STAB2: variants seen among roughly 807,000 people sequenced by gnomAD.
The protein encoded by STAB2 is stabilin 2, also known as stabilin-2.
In STAB2, 288 loss-of-function variants were observed where a neutral mutation model predicts 338.1. The observed-to-expected ratio is 0.85, with a 90% confidence interval of 0.77 to 0.94. The LOEUF (loss-of-function observed/expected upper bound fraction) is 0.94, where lower values mean the gene tolerates loss of function less well. Ranked by LOEUF, STAB2 falls within the 40% of genes least tolerant of loss-of-function variation. STAB2 has a pLI of 0.00. For missense variants in STAB2, 3,141 were observed against 3,210.1 expected (o/e 0.98, Z 0.52); for synonymous variants, 1,202 against 1,193.3 (o/e 1.01, Z -0.15).
intron 4 of STAB2, among the ~76,000 whole-genome samples, chr12:103,621,586 T>A (rs1214137567): frequency 6.6e-6 from 1 of 151,908 alleles, no homozygotes; most frequent in East Asian, 1.9e-4. Context: ...ACAAAAATTA[T>A]CCGGGTGTGG....
intron 9 of STAB2, among the ~76,000 whole-genome samples, chr12:103,648,459 T>C (rs1873491786): frequency 6.6e-6 from 1 of 152,288 alleles, no homozygotes; most frequent in East Asian, 1.9e-4. Context: ...TGAGAAATAC[T>C]GAGACAAAGA....
chr12:103,652,211 A>C (rs1203293921), intron 11 of STAB2, among the ~76,000 whole-genome samples: 1 of 152,294 alleles, frequency 6.6e-6, no homozygotes, highest in Admixed American at 6.5e-5. Flanking sequence ...CATGTTCAAG[A>C]TAGATTCCTT....
chr12:103,649,354 GC>G (rs1217849692), intron 10 of STAB2, among the ~76,000 whole-genome samples: 1 of 152,096 alleles, frequency 6.6e-6, no homozygotes, highest in Admixed American at 6.6e-5. Context: ...TTCACCTCCA[GC>G]CCCCCAGGCA....
At chr12:103,627,707 T>G (rs1271569530) in intron 5 of STAB2, among the ~76,000 whole-genome samples, 3 of 152,228 alleles carry the variant, frequency 2.0e-5, no homozygotes, top group African/African-American at 7.2e-5. Flanking sequence ...GAGAGGCTCA[T>G]GCCAGGGCCA....
intron 3 of STAB2, among the ~76,000 whole-genome samples, chr12:103,597,419 G>A (rs1193801240): frequency 6.6e-6 from 1 of 152,030 alleles, no homozygotes; most frequent in Non-Finnish European, 1.5e-5. Context: ...TAACACTTCT[G>A]GGTTATTTCA....
At chr12:103,671,897 A>G (rs977183268) in intron 22 of STAB2, among the ~76,000 whole-genome samples, 50 of 152,318 alleles carry the variant, frequency 3.3e-4, no homozygotes, top group African/African-American at 1.2e-3. Flanking sequence ...TTTTTGACAT[A>G]TATTTCTAAG....
At chr12:103,669,764 T>C in intron 21 of STAB2, 137 bp downstream of exon 21, 1 of 706,890 alleles carries the variant, frequency 1.4e-6, no homozygotes, top group Non-Finnish European at 2.4e-6. Context: ...GAACAGCAGG[T>C]GTCTGCAGTA....
Position 103,607,764 on chromosome 12 carries a change from ATT to A in STAB2, c.332-12701_332-12700del, listed in dbSNP as rs553637969. Among the ~76,000 whole-genome samples, 191 of 152,078 alleles carry A rather than the reference ATT, an allele frequency of 1.3e-3. 2 individuals carry two copies. Among genetic ancestry groups the A allele is most frequent in the African/African-American group, 4.5e-3 (187 of 41,490 alleles). ...GTATTCCATGGTATATATGTGCCACATTTTCTTAATCCAGTCTATCATTGATG... is the reference window on the plus strand; with the variant it reads ...GTATTCCATGGTATATATGTGCCACATTCTTAATCCAGTCTATCATTGATG... On this transcript the variant is annotated intron_variant, in intron 3 of 68. Coordinates refer to ENST00000388887, the MANE Select transcript of STAB2 (RefSeq NM_017564.10).
At chr12:103,648,542 T>C (rs1316096643) in intron 9 of STAB2, 148 bp from the exon 10 acceptor site, 1 of 957,290 alleles carries the variant, frequency 1.0e-6, no homozygotes, top group African/African-American at 1.7e-5. Context: ...AGCTACTAGA[T>C]GTCAGATACC....
chr12:103,643,967 C>G (rs1402331972), intron 9 of STAB2, among the ~76,000 whole-genome samples: 4 of 82,216 alleles, frequency 4.9e-5, no homozygotes, highest in Admixed American at 1.1e-4. Context: ...GGCGCCTCTG[C>G]CTGGCCGCCC....
chr12:103,669,391 A>C, intron 20 of STAB2, 150 bp from the exon 21 acceptor site: 1 of 657,376 alleles, frequency 1.5e-6, no homozygotes, highest in Non-Finnish European at 2.7e-6. Context: ...ACTGAGCACT[A>C]GCCATGCCAT....
intron 30 of STAB2, among the ~76,000 whole-genome samples, chr12:103,692,473 AC>A (rs2138915418): frequency 6.6e-6 from 1 of 152,292 alleles, no homozygotes; most frequent in Non-Finnish European, 1.5e-5. Flanking sequence ...CTCGAACAGC[AC>A]TTTTGTCAAT....
intron 15 of STAB2, 62 bp from the exon 16 acceptor site, chr12:103,660,269 C>A: frequency 6.6e-7 from 1 of 1,522,334 alleles, no homozygotes; most frequent in South Asian, 1.1e-5. Flanking sequence ...GAAGAGGATT[C>A]CACAAGAGTG....
chr12:103,710,614 T>A (rs1320748786), intron 39 of STAB2, among the ~76,000 whole-genome samples: 4 of 152,178 alleles, frequency 2.6e-5, no homozygotes, highest in South Asian at 4.1e-4. Context: ...ACATAAAACA[T>A]GATTGAAATG....
At chr12:103,587,962 C>T (rs1336234524) in intron 1 of STAB2, among the ~76,000 whole-genome samples, 1 of 152,186 alleles carries the variant, frequency 6.6e-6, no homozygotes, top group East Asian at 1.9e-4. Flanking sequence ...CTAAGGAACA[C>T]AAGTATCAGA....
intron 21 of STAB2, 147 bp from the exon 22 acceptor site, chr12:103,670,549 A>G (rs1313082224): frequency 3.1e-5 from 20 of 655,194 alleles, no homozygotes; most frequent in South Asian, 1.5e-4. Context: ...AGCCTCCCTG[A>G]TATCACATGA....
intron 6 of STAB2, among the ~76,000 whole-genome samples, chr12:103,636,213 A>C (rs1957545272): frequency 4.1e-5 from 4 of 96,968 alleles, no homozygotes; most frequent in Non-Finnish European, 4.2e-5. Flanking sequence ...CCACCCCACA[A>C]CAGTCCCCGG....
intron 38 of STAB2, among the ~76,000 whole-genome samples, chr12:103,707,281 C>T (rs991286598): frequency 7.2e-5 from 11 of 152,248 alleles, no homozygotes; most frequent in East Asian, 5.8e-4. Context: ...CTAATCATCA[C>T]GGCTAAACTT....
chr12:103,692,625 G>A lies in STAB2; in HGVS notation c.3298-187G>A, dbSNP rs1400096490. Among the ~76,000 whole-genome samples the A allele has an allele frequency of 4.6e-5, 6 of 131,200 alleles. 1 individual carries two copies. The highest frequency in any genetic ancestry group is 7.6e-5 in the African/African-American group (3 of 39,306). The allele number at this position is 131,200 out of a possible 152,430, so 86.1% of individuals were successfully genotyped here. A position where few individuals can be genotyped will look rare whatever the true frequency, so the allele number is the denominator to read the frequency against. On this transcript the variant is annotated intron_variant, in intron 30 of 68. Transcript: ENST00000388887. ...TGTGTGTGTGTGTGCGTGTGCACGT[G>A]CACGTGTGTGAGAGAGAGAGAGAGA... is the stretch of plus-strand genomic sequence containing the variant.
Sources: allele counts gnomAD v4.1 joint callset (sites outside exome capture counted in the v4.1 genomes callset), GRCh38; gene constraint gnomAD v4.1.1; transcripts MANE v1.5; gene names NCBI Gene and HGNC (gene_info 2026-07-23, HGNC 2026-07-21).